Variants in SMAD6 observed in about 807,000 individuals in gnomAD.
The protein encoded by SMAD6 is SMAD family member 6.
SMAD6 carries 103 observed loss-of-function variants against 39.4 expected under a neutral mutation model. The ratio of observed to expected loss-of-function variants is 2.62; its 90% confidence interval spans 2.23 to 3.08. The LOEUF is 3.08. SMAD6 is among the 30% of genes most tolerant of loss of function. SMAD6 has a pLI of 0.00. For synonymous variants in SMAD6, 445 were observed against 353.3 expected, an observed-to-expected ratio of 1.26 and a Z score of -2.91; for missense variants, 1,104 against 742.9, an observed-to-expected ratio of 1.49 and a Z score of -5.65.
chr15:66,757,029 C>T (rs865962161), intron 3 of SMAD6, among the ~76,000 whole-genome samples: 1 of 152,106 alleles, frequency 6.6e-6, no homozygotes, highest in Non-Finnish European at 1.5e-5. Flanking sequence ...TTTGGGTTAG[C>T]GATGGGGGGC....
chr15:66,768,988 G>A (rs1041187440), intron 3 of SMAD6, among the ~76,000 whole-genome samples: 3 of 152,222 alleles, frequency 2.0e-5, no homozygotes, highest in Non-Finnish European at 4.4e-5. Context: ...GAAGAGGGGT[G>A]TGTGATTCAG....
At chr15:66,757,130 C>T (rs778801249) in intron 3 of SMAD6, among the ~76,000 whole-genome samples, 8 of 152,160 alleles carry the variant, frequency 5.3e-5, no homozygotes, top group Admixed American at 1.3e-4. Flanking sequence ...TGATAGTCCT[C>T]GTCTCCCGTT....
At chr15:66,759,755 G>A (rs553745071) in intron 3 of SMAD6, among the ~76,000 whole-genome samples, 1 of 152,230 alleles carries the variant, frequency 6.6e-6, no homozygotes, top group Non-Finnish European at 1.5e-5. Context: ...TGCACTTGTA[G>A]AATCCACTTG....
chr15:66,727,439 C>T (rs745983259), intron 3 of SMAD6, among the ~76,000 whole-genome samples: 8 of 152,106 alleles, frequency 5.3e-5, no homozygotes, highest in South Asian at 2.1e-4. Context: ...TGTGCCAGGG[C>T]GGCTGCCAGG....
chr15:66,739,166 C>G (rs948130448), intron 3 of SMAD6, among the ~76,000 whole-genome samples: 1 of 150,656 alleles, frequency 6.6e-6, no homozygotes, highest in African/African-American at 2.4e-5. Flanking sequence ...TCTCGGCTCA[C>G]TGCAACCTCC....
rs1216231183 is a variant in SMAD6, at chr15:66,702,954, G to GC, written c.-299dup. 7.4e-6 allele frequency: 2 copies of GC among 269,582 alleles called. No individual in the cohort carries two copies. The highest frequency in any genetic ancestry group is 2.2e-5 in the African/African-American group (1 of 45,408). 16.7% of individuals were successfully genotyped at this position (269,582 alleles called of 1,614,324 possible). On this transcript the variant is annotated 5_prime_UTR_variant, in exon 1 of 4. The change abolishes the stop of an existing upstream ORF in the 5' untranslated region. Transcript: ENST00000288840. ...TCTTTCTGGCGGCGCGCCGCCTGCAGCCCCCCTAAAGCGCGGGGGCTGGAG... is the reference window on the plus strand; with the variant it reads ...TCTTTCTGGCGGCGCGCCGCCTGCAGCCCCCCCTAAAGCGCGGGGGCTGGAG...
In SMAD6 at chr15:66,703,525, C is replaced by T. The variant is rs896888252; in HGVS notation, c.267C>T (p.Pro89=). Residue 89 remains proline (P), a synonymous_variant, in exon 1 of 4, where the codon CCC becomes CCT. Coordinates refer to ENST00000288840, the MANE Select transcript of SMAD6 (RefSeq NM_005585.5). ...GGAGGCGCCGGCGCGCAGGGGGCCC[C>T]CCGAGGCCCATGTCGGAGCCAGGGG... is the stretch of plus-strand genomic sequence containing the variant. ...GAGRRRRAGG[P]PRPMSEPGAG... 4.9e-6 allele frequency: 6 copies of T among 1,222,112 alleles called. No homozygotes were observed. Among genetic ancestry groups the T allele is most frequent in the Admixed American group, 4.4e-5 (1 of 22,944 alleles). 75.7% of individuals were successfully genotyped at this position (1,222,112 alleles called of 1,614,324 possible). A position where few individuals can be genotyped will look rare whatever the true frequency, so the allele number is the denominator to read the frequency against.
In SMAD6 at chr15:66,782,164, A is replaced by G; in HGVS notation, c.*629A>G. On this transcript the variant is annotated 3_prime_UTR_variant, in exon 4 of 4. Coordinates refer to ENST00000288840, the MANE Select transcript of SMAD6 (RefSeq NM_005585.5). ...ACATTTACTCTTAAGTAAACCAGAG[A>G]AAGTTCTGTTGTTCCTTCCTGCCCA... 5.4e-6 allele frequency: 2 copies of G among 367,766 alleles called. No homozygotes were observed. Among genetic ancestry groups the G allele is most frequent in the Non-Finnish European group, 4.8e-6 (1 of 209,450 alleles). The allele number at this position is 367,766 out of a possible 1,614,324, so 22.8% of individuals were successfully genotyped here.
At chr15:66,755,374 T>C (rs1406280889) in intron 3 of SMAD6, among the ~76,000 whole-genome samples, 1 of 152,190 alleles carries the variant, frequency 6.6e-6, no homozygotes, top group African/African-American at 2.4e-5. Context: ...AACAGTAAGA[T>C]TCTTTATGGG....
Position 66,781,625 on chromosome 15 carries a change from C to T in SMAD6, c.*90C>T. 1 of 932,524 alleles carries T rather than the reference C, an allele frequency of 1.1e-6. No homozygotes were observed. Among genetic ancestry groups the T allele is most frequent in the Non-Finnish European group, 1.5e-6 (1 of 658,090 alleles). 57.8% of individuals were successfully genotyped at this position (932,524 alleles called of 1,614,324 possible). On this transcript the variant is annotated 3_prime_UTR_variant, in exon 4 of 4. Transcript: ENST00000288840. ...GGGCCGATGCCCAGAGACACAGCCC[C>T]CACGGACAAAACCCCCCAGATATCA...
At chr15:66,751,001 A>G (rs1400482975) in intron 3 of SMAD6, among the ~76,000 whole-genome samples, 1 of 152,164 alleles carries the variant, frequency 6.6e-6, no homozygotes, top group Non-Finnish European at 1.5e-5. Flanking sequence ...CTAGGCCATG[A>G]GTAACCCAGA....
chr15:66,755,429 A>AT (rs765363621), intron 3 of SMAD6, among the ~76,000 whole-genome samples: 2 of 152,142 alleles, frequency 1.3e-5, no homozygotes, highest in Admixed American at 6.5e-5. Flanking sequence ...AAGAAAACAG[A>AT]TTTTTTAACA....
intron 1 of SMAD6, chr15:66,707,340 GAGAC>G (rs1226305489): frequency 1.3e-5 from 2 of 152,008 alleles, no homozygotes; most frequent in African/African-American, 2.4e-5. Flanking sequence ...CCGGGGAAGA[GAGAC>G]AGAGCGAGAG....
intron 3 of SMAD6, among the ~76,000 whole-genome samples, chr15:66,724,851 G>A (rs1475644419): frequency 6.6e-6 from 1 of 152,032 alleles, no homozygotes; most frequent in African/African-American, 2.4e-5. Context: ...GGTGTCGGGT[G>A]CCTGTCCAGG....
chr15:66,723,129 G>A (rs1342820884), intron 3 of SMAD6, among the ~76,000 whole-genome samples: 1 of 152,100 alleles, frequency 6.6e-6, no homozygotes, highest in African/African-American at 2.4e-5. Context: ...CCCGTCGTTG[G>A]CCAAAAGCAA....
At chr15:66,705,594 C>T (rs182765545) in intron 1 of SMAD6, 1 of 152,128 alleles carries the variant, frequency 6.6e-6, no homozygotes, top group African/African-American at 2.4e-5. Flanking sequence ...AGGTCCCTTC[C>T]ACTCTCGTAG....
chr15:66,779,392 C>CT (rs1567115326), intron 3 of SMAD6, among the ~76,000 whole-genome samples: 10 of 152,266 alleles, frequency 6.6e-5, no homozygotes, highest in African/African-American at 2.4e-4. Context: ...CTTGGATTAC[C>CT]CCCCAGCAGA....
rs1263618238 is a variant in SMAD6 at position 66,703,723 on chromosome 15, C to G, written c.465C>G (p.Gly155=). 5 of 1,350,384 alleles carry G rather than the reference C, an allele frequency of 3.7e-6. No individual in the cohort carries two copies. The highest frequency in any genetic ancestry group is 2.6e-5 in the Admixed American group (1 of 37,860). 83.7% of individuals were successfully genotyped at this position (1,350,384 alleles called of 1,614,324 possible). ...LAGAALEPAG[G]GRSREARSRL... is the part of the protein sequence containing the mutation. The stretch of plus-strand genomic sequence containing the variant: ...GGGCGGCCCTGGAGCCGGCGGGCGG[C>G]GGGCGGAGTCGCGAAGCGCGCTCGC... The change falls in exon 1 of 4, where the codon GGC becomes GGG. Residue 155 remains glycine (G), a synonymous_variant. Coordinates refer to ENST00000288840, the MANE Select transcript of SMAD6 (RefSeq NM_005585.5).
At position 66,703,927 on chromosome 15, in the gene SMAD6, G is replaced by C. The variant is rs1280987600; in HGVS notation, c.669G>C (p.Gln223His). ...LRLGGQPAPP[Q>H]LLLGRLFRWP... ...TGGGCGGCCAGCCCGCGCCGCCGCA[G>C]CTGCTGCTCGGCCGCCTCTTTCGCT... The change falls in exon 1 of 4, where the codon CAG becomes CAC. Residue 223 changes from glutamine to histidine, a missense_variant. Transcript: ENST00000288840. 3.0e-6 allele frequency: 4 copies of C among 1,331,064 alleles called. No individual in the cohort carries two copies. In the East Asian group the frequency reaches 1.3e-4, roughly 42 times the overall value. 82.5% of individuals were successfully genotyped at this position (1,331,064 alleles called of 1,614,324 possible). A position where few individuals can be genotyped will look rare whatever the true frequency, so the allele number is the denominator to read the frequency against.
Sources: allele counts gnomAD v4.1 joint callset (sites outside exome capture counted in the v4.1 genomes callset), GRCh38; gene constraint gnomAD v4.1.1; transcripts MANE v1.5; gene names NCBI Gene and HGNC (gene_info 2026-07-23, HGNC 2026-07-21).